Variants in FREM1 observed in about 807,000 individuals in gnomAD.
FREM1 encodes the protein FRAS1 related extracellular matrix 1.
In FREM1, 220 loss-of-function variants were observed where a neutral mutation model predicts 210.1. The ratio of observed to expected loss-of-function variants is 1.05; its 90% CI spans 0.94 to 1.17. FREM1 has a LOEUF of 1.17. FREM1 is among the 50% of genes most tolerant of loss of function. FREM1 has a pLI of 0.00. For synonymous variants in FREM1, 1,189 were observed against 980.2 expected (o/e 1.21, Z -3.98); for missense variants, 3,454 against 2,675.5 (o/e 1.29, Z -6.42).
chr9:14,847,400 A>AG (rs1554698117), intron 7 of FREM1, among the ~76,000 whole-genome samples: 2 of 34,812 alleles, frequency 5.7e-5, no homozygotes, highest in Non-Finnish European at 1.3e-4. Context: ...AGAGAGAAAA[A>AG]GAAGGAAGGA....
Position 14,776,144 on chromosome 9 carries a change from G to C in FREM1, c.4502C>G (p.Thr1501Ser). Residue 1501 changes from threonine to serine, a missense_variant, in exon 25 of 37, where the codon ACT (threonine) becomes AGT (serine). Coordinates refer to ENST00000380880, the MANE Select transcript of FREM1 (RefSeq NM_001379081.2). ...TACCACAGGCAGGGCTCTGTCCACA[G>C]TCTCCAGTGTGATCTCAAACACCCC... ...EHGVFEITLE[T>S]VDRALPVVTR... 1 of 1,565,242 alleles carries C rather than the reference G, an allele frequency of 6.4e-7. No homozygotes were observed. Among genetic ancestry groups the C allele is most frequent in the Non-Finnish European group, 8.7e-7 (1 of 1,155,012 alleles).
rs1034265612 is a variant in FREM1, at chr9:14,737,560, A to T, written c.6376T>A (p.Trp2126Arg). The T allele has an allele frequency of 1.3e-6, 2 of 1,597,434 alleles. No individual in the cohort carries two copies. Among genetic ancestry groups the T allele is most frequent in the East Asian group, 2.2e-5 (1 of 44,560 alleles). The change falls in exon 37 of 37, where the codon TGG becomes AGG. Residue 2126 changes from tryptophan (W) to arginine (R), a missense_variant. Coordinates refer to ENST00000380880, the MANE Select transcript of FREM1 (RefSeq NM_001379081.2). ...AAGGCAACAGGTTCACCACCGATCCACTCCCAGTGGCCAGCATGCACTTGG... is the reference window on the plus strand; with the variant it reads ...AAGGCAACAGGTTCACCACCGATCCTCTCCCAGTGGCCAGCATGCACTTGG... ...NDQVHAGHWE[W>R]IGGEPVAFTN...
At chr9:14,759,930 G>T (rs1436304223) in intron 27 of FREM1, 29 bp from the exon 28 acceptor site, 1 of 1,594,972 alleles carries the variant, frequency 6.3e-7, no homozygotes, top group Non-Finnish European at 8.6e-7. Flanking sequence ...GAGAAATCAT[G>T]AGAATGCATA....
chr9:14,807,101 C>T (rs1308426685), intron 17 of FREM1, among the ~76,000 whole-genome samples: 1 of 152,140 alleles, frequency 6.6e-6, no homozygotes, highest in African/African-American at 2.4e-5. Context: ...AACAGAAAGC[C>T]AGCAGAAATA....
intron 10 of FREM1, among the ~76,000 whole-genome samples, chr9:14,826,331 A>T (rs1190275253): frequency 2.6e-5 from 4 of 152,102 alleles, no homozygotes; most frequent in Non-Finnish European, 4.4e-5. Context: ...ACTTCAAGTG[A>T]TCCGCCCTCC....
chr9:14,739,478 T>C (rs948903645), intron 36 of FREM1, among the ~76,000 whole-genome samples: 2 of 135,980 alleles, frequency 1.5e-5, no homozygotes, highest in African/African-American at 2.8e-5. Context: ...ATATATATAA[T>C]TCATATATAT....
chr9:14,882,281 C>G (rs1834927134), intron 1 of FREM1, among the ~76,000 whole-genome samples: 1 of 151,952 alleles, frequency 6.6e-6, no homozygotes, highest in Non-Finnish European at 1.5e-5. Flanking sequence ...ATAGTAAACC[C>G]TTAACTGAGA....
At chr9:14,824,494 C>T (rs76102906) in intron 11 of FREM1, among the ~76,000 whole-genome samples, 5,371 of 152,128 alleles carry the variant, frequency 0.035, 298 homozygotes, top group African/African-American at 0.12. Context: ...GTTAGGAAGA[C>T]CTCAATAAAT....
chr9:14,820,151 A>G (rs1821029386), intron 13 of FREM1, among the ~76,000 whole-genome samples: 1 of 152,240 alleles, frequency 6.6e-6, no homozygotes, highest in Non-Finnish European at 1.5e-5. Flanking sequence ...TAAGTGTTCT[A>G]TGGCCAAATA....
intron 8 of FREM1, 102 bp downstream of exon 8, chr9:14,845,858 G>A: frequency 1.7e-6 from 2 of 1,203,380 alleles, no homozygotes; most frequent in South Asian, 2.8e-5. Flanking sequence ...ATTTCATTGA[G>A]AAATTGGGCC....
rs1843108963 is a variant in FREM1, at chr9:14,750,179, T to C, written c.5505A>G (p.Ala1835=). 4 of 1,613,912 alleles carry C rather than the reference T, an allele frequency of 2.5e-6. No homozygotes were observed. Among genetic ancestry groups the C allele is most frequent in the Non-Finnish European group, 3.4e-6 (4 of 1,179,822 alleles). Reference sequence around the variant, plus strand: ...CAGCTTTTGTCTTTGTGCCAAGAACTGCATTCACAGGGGAGTTCAGAATTA... The same window carrying C: ...CAGCTTTTGTCTTTGTGCCAAGAACCGCATTCACAGGGGAGTTCAGAATTA... ...FEVILNSPVN[A]VLGTKTKAAV... Residue 1835 remains alanine (A), a synonymous_variant, in exon 30 of 37, where the codon GCA becomes GCG. Coordinates refer to ENST00000380880, the MANE Select transcript of FREM1 (RefSeq NM_001379081.2).
intron 21 of FREM1, among the ~76,000 whole-genome samples, chr9:14,793,990 C>G (rs764119762): frequency 6.6e-6 from 1 of 152,092 alleles, no homozygotes; most frequent in South Asian, 2.1e-4. Flanking sequence ...AGTGGTCAGA[C>G]AGATTAATCA....
At chr9:14,782,145 C>G (rs942396225) in intron 24 of FREM1, among the ~76,000 whole-genome samples, 1 of 152,150 alleles carries the variant, frequency 6.6e-6, no homozygotes, top group East Asian at 1.9e-4. Flanking sequence ...TGAGACTGGA[C>G]TTACCAAAGT....
chr9:14,870,995 T>G (rs1377580241), intron 1 of FREM1, among the ~76,000 whole-genome samples: 1 of 152,132 alleles, frequency 6.6e-6, no homozygotes, highest in Non-Finnish European at 1.5e-5. Context: ...CATCATTTTT[T>G]ATGGCTGCAT....
chr9:14,749,145 G>C (rs1030615983), intron 30 of FREM1, among the ~76,000 whole-genome samples: 1 of 152,090 alleles, frequency 6.6e-6, no homozygotes, highest in Non-Finnish European at 1.5e-5. Context: ...GGCTCCTATT[G>C]GAAACCTCAC....
intron 25 of FREM1, among the ~76,000 whole-genome samples, chr9:14,771,952 A>T (rs1847645433): frequency 6.6e-6 from 1 of 152,174 alleles, no homozygotes; most frequent in African/African-American, 2.4e-5. Flanking sequence ...TCTATACATA[A>T]TGTTTGTATA....
At chr9:14,764,869 T>C (rs952022837) in intron 27 of FREM1, among the ~76,000 whole-genome samples, 7 of 152,206 alleles carry the variant, frequency 4.6e-5, no homozygotes, top group East Asian at 1.9e-4. Context: ...AGTTTAGGAA[T>C]TGGGGCATTA....
At chr9:14,841,661 T>C in intron 9 of FREM1, 72 bp from the exon 10 acceptor site, 1 of 1,235,022 alleles carries the variant, frequency 8.1e-7, no homozygotes, top group Non-Finnish European at 1.1e-6. Context: ...GATATTGGAC[T>C]TATCTTCAAA....
intron 27 of FREM1, among the ~76,000 whole-genome samples, chr9:14,761,004 A>G (rs13294547): frequency 0.16 from 25,042 of 152,160 alleles, 2,645 homozygotes; most frequent in Middle Eastern, 0.3. Context: ...CCTTACTTGT[A>G]CTTCCCAAAC....
Sources: gnomAD v4.1 joint callset for allele counts (sites outside exome capture counted in the v4.1 genomes callset) on GRCh38, gnomAD v4.1.1 for gene constraint, MANE v1.5 for transcripts, NCBI Gene and HGNC (gene_info 2026-07-23, HGNC 2026-07-21) for gene names.